SOX6: variants seen among roughly 807,000 people sequenced by gnomAD.
SOX6 encodes the protein SRY-box transcription factor 6.
A neutral mutation model predicts 97.8 loss-of-function variants in SOX6; 11 were observed. The observed-to-expected ratio is 0.11, with a 90% CI of 0.07 to 0.19. The LOEUF (loss-of-function observed/expected upper bound fraction) is 0.19. Ranked by LOEUF, SOX6 falls within the 10% of genes least tolerant of loss-of-function variation. SOX6 has a pLI of 1.00. For synonymous variants in SOX6, 360 were observed against 371.4 expected (o/e 0.97, Z 0.35); for missense variants, 810 against 1,039.5 (o/e 0.78, Z 3.04).
At chr11:16,071,142 C>T (rs1171298711) in intron 9 of SOX6, among the ~76,000 whole-genome samples, 1 of 152,118 alleles carries the variant, frequency 6.6e-6, no homozygotes, top group Admixed American at 6.5e-5. Context: ...GCAGGGCAGG[C>T]AACTTTACCA....
intron 12 of SOX6, among the ~76,000 whole-genome samples, chr11:16,024,479 A>G (rs1656332660): frequency 6.6e-6 from 1 of 150,854 alleles, no homozygotes; most frequent in Non-Finnish European, 1.5e-5. Context: ...AGGATCTAGT[A>G]GCAGTTCTAT....
chr11:16,309,995 C>T (rs1311613305), intron 3 of SOX6, among the ~76,000 whole-genome samples: 2 of 152,102 alleles, frequency 1.3e-5, no homozygotes, highest in Non-Finnish European at 2.9e-5. Flanking sequence ...TCTAGCTCCA[C>T]AGTTCAATAA....
chr11:16,433,431 A>C (rs1017561496), intron 1 of SOX6, among the ~76,000 whole-genome samples: 2 of 152,120 alleles, frequency 1.3e-5, no homozygotes, highest in Non-Finnish European at 2.9e-5. Flanking sequence ...GATGAACTCT[A>C]GAACATGTGG....
chr11:16,100,429 T>A (rs1848914840), intron 7 of SOX6, among the ~76,000 whole-genome samples: 1 of 151,684 alleles, frequency 6.6e-6, no homozygotes, highest in South Asian at 2.1e-4. Context: ...TTTTCCAGCT[T>A]TCTACATATT....
chr11:16,405,025 T>C (rs997201385), intron 1 of SOX6, among the ~76,000 whole-genome samples: 2 of 152,006 alleles, frequency 1.3e-5, no homozygotes, highest in African/African-American at 2.4e-5. Flanking sequence ...ACTGTAATGA[T>C]GCATTTACTT....
chr11:16,529,226 C>A (rs1488120969), intron 4 of SOX6, among the ~76,000 whole-genome samples: 2 of 151,986 alleles, frequency 1.3e-5, no homozygotes, highest in African/African-American at 4.8e-5. Flanking sequence ...AATTGTCTAA[C>A]CATCAGGTAA....
chr11:16,696,424 AT>A (rs1247216917), intron 3 of SOX6, among the ~76,000 whole-genome samples: 1 of 152,184 alleles, frequency 6.6e-6, no homozygotes, highest in African/African-American at 2.4e-5. Flanking sequence ...AACTATATTC[AT>A]TTATCAAACA....
chr11:16,262,432 C>T (rs766713957), intron 3 of SOX6, among the ~76,000 whole-genome samples: 6 of 152,006 alleles, frequency 3.9e-5, no homozygotes, highest in Non-Finnish European at 5.9e-5. Context: ...TGAAATGTAA[C>T]ATTGCTGAAC....
chr11:16,473,426 A>G (rs1860177346), intron 1 of SOX6, among the ~76,000 whole-genome samples: 1 of 152,124 alleles, frequency 6.6e-6, no homozygotes, highest in Non-Finnish European at 1.5e-5. Context: ...AATCATAATG[A>G]TCATTTGAGC....
At chr11:16,724,678 T>C (rs886495947) in intron 2 of SOX6, among the ~76,000 whole-genome samples, 5 of 152,182 alleles carry the variant, frequency 3.3e-5, no homozygotes, top group African/African-American at 1.2e-4. Flanking sequence ...TTGGGAACCA[T>C]TGCTGCAAAT....
At chr11:16,338,047 TAAG>T (rs1856515841) in intron 2 of SOX6, among the ~76,000 whole-genome samples, 1 of 152,122 alleles carries the variant, frequency 6.6e-6, no homozygotes, top group Non-Finnish European at 1.5e-5. Flanking sequence ...ACCCAAGAGA[TAAG>T]AAACTTTTAG....
Position 16,254,683 on chromosome 11 carries a change from A to G in SOX6, c.446-20012T>C, listed in dbSNP as rs1853628914. Among the ~76,000 whole-genome samples, 3 of 152,034 alleles carry G rather than the reference A, an allele frequency of 2.0e-5. No homozygotes were observed. In the South Asian group the frequency reaches 6.2e-4, roughly 31 times the overall value. On this transcript the variant is annotated intron_variant, in intron 3 of 15. Transcript: ENST00000683767. Reference sequence around the variant, plus strand: ...TATAAATGCTCGATTAAAACCACAAAAGGCAAAAAAAAGGCAGGGAAAGCA... The same window carrying G: ...TATAAATGCTCGATTAAAACCACAAGAGGCAAAAAAAAGGCAGGGAAAGCA...
At chr11:16,085,469 A>C (rs1848557609) in intron 9 of SOX6, among the ~76,000 whole-genome samples, 1 of 152,198 alleles carries the variant, frequency 6.6e-6, no homozygotes, top group Non-Finnish European at 1.5e-5. Flanking sequence ...TGAGCATTAA[A>C]TGGCCCATTG....
intron 1 of SOX6, among the ~76,000 whole-genome samples, chr11:16,413,512 C>CT (rs752774148): frequency 0.32 from 24,269 of 76,212 alleles, 6,406 homozygotes; most frequent in East Asian, 0.41. Context: ...AAGACTTCTA[C>CT]TTTTTTTTTT....
chr11:16,274,509 CA>C (rs1290636235), intron 3 of SOX6, among the ~76,000 whole-genome samples: 3 of 151,824 alleles, frequency 2.0e-5, no homozygotes, highest in African/African-American at 7.3e-5. Context: ...GATTCTTTCT[CA>C]AAAGGATCTT....
intron 1 of SOX6, among the ~76,000 whole-genome samples, chr11:16,364,967 C>G (rs1857314006): frequency 6.6e-6 from 1 of 152,068 alleles, no homozygotes; most frequent in Admixed American, 6.6e-5. Context: ...ATACTTTTAT[C>G]TCGGCCATTA....
intron 3 of SOX6, among the ~76,000 whole-genome samples, chr11:16,620,302 C>T (rs1279866327): frequency 6.6e-6 from 1 of 152,058 alleles, no homozygotes; most frequent in African/African-American, 2.4e-5. Flanking sequence ...ACATTTTATC[C>T]ATTAACGTTT....
chr11:16,652,567 G>T (rs1847668834), intron 3 of SOX6, among the ~76,000 whole-genome samples: 1 of 151,994 alleles, frequency 6.6e-6, no homozygotes, highest in African/African-American at 2.4e-5. Context: ...CACATGTAGA[G>T]GAATGAAACT....
Position 16,569,868 on chromosome 11 carries a change from CAAA to C in SOX6, n.609+42210_609+42212del, listed in dbSNP as rs34604334. On this transcript the variant is annotated intron_variant and non_coding_transcript_variant, in intron 4 of 5. Coordinates refer to the SOX6 transcript ENST00000524520. Reference sequence around the variant, plus strand: ...TGGGTGACTGATCAAGACTCCGTCTCAAAAAAAAAAAAAAAAAGATATACTGTG... The same window carrying C: ...TGGGTGACTGATCAAGACTCCGTCTCAAAAAAAAAAAAAAGATATACTGTG... Among the ~76,000 whole-genome samples, 13 of 84,788 alleles carry C rather than the reference CAAA, an allele frequency of 1.5e-4. 1 individual carries two copies. Among genetic ancestry groups the C allele is most frequent in the African/African-American group, 5.6e-4 (9 of 16,104 alleles). 55.6% of individuals were successfully genotyped at this position (84,788 alleles called of 152,430 possible).
Sources: allele counts gnomAD v4.1 joint callset (sites outside exome capture counted in the v4.1 genomes callset), GRCh38; gene constraint gnomAD v4.1.1; transcripts MANE v1.5; gene names NCBI Gene and HGNC (gene_info 2026-07-23, HGNC 2026-07-21).